The following NCKAP5 variants were observed in gnomAD, a reference collection of about 807,000 sequenced individuals.
NCKAP5 encodes the protein NCK associated protein 5, also known as nck-associated protein 5.
In NCKAP5, 92 loss-of-function variants were observed where a neutral mutation model predicts 167.0. The ratio of observed to expected loss-of-function variants is 0.55; its 90% CI spans 0.47 to 0.66. The LOEUF is 0.66. Ranked by LOEUF, NCKAP5 falls within the 30% of genes least tolerant of loss-of-function variation. The pLI is 0.00. For synonymous variants in NCKAP5, 891 were observed against 877.4 expected (o/e 1.02, Z -0.27); for missense variants, 2,378 against 2,315.0 (o/e 1.03, Z -0.56).
intron 3 of NCKAP5, among the ~76,000 whole-genome samples, chr2:133,502,838 T>A (rs56949683): frequency 0.17 from 26,228 of 152,190 alleles, 2,589 homozygotes; most frequent in East Asian, 0.42. Flanking sequence ...AATGAAAGAA[T>A]GAATGAATGA....
intron 19 of NCKAP5, among the ~76,000 whole-genome samples, chr2:132,686,694 G>A (rs1685987727): frequency 2.0e-5 from 3 of 152,230 alleles, no homozygotes; most frequent in South Asian, 2.1e-4. Flanking sequence ...CCTTGAAAGC[G>A]ATTGAATTCC....
chr2:133,095,856 A>G (rs981529608), intron 6 of NCKAP5, among the ~76,000 whole-genome samples: 1 of 152,176 alleles, frequency 6.6e-6, no homozygotes, highest in Admixed American at 6.5e-5. Flanking sequence ...TGCCATTTCT[A>G]TAAGTGAAAA....
chr2:132,882,141 C>A (rs893531254), intron 8 of NCKAP5, among the ~76,000 whole-genome samples: 1 of 152,142 alleles, frequency 6.6e-6, no homozygotes, highest in Non-Finnish European at 1.5e-5. Flanking sequence ...TAAATACTTT[C>A]TTTTTCAGCA....
Position 133,412,049 on chromosome 2 carries a change from TG to T in NCKAP5, c.69+105408del, listed in dbSNP as rs559604975. Reference sequence around the variant, plus strand: ...CTAGCTCTGCCCTGCAGCCCCCTGATGGTCACAGTAGTCACTGCTTTGGAGT... The same window carrying T: ...CTAGCTCTGCCCTGCAGCCCCCTGATGTCACAGTAGTCACTGCTTTGGAGT... On this transcript the variant is annotated intron_variant, in intron 3 of 19. Transcript: ENST00000409261. 5.1e-3 allele frequency among the ~76,000 whole-genome samples: 774 copies of T among 152,260 alleles called. 7 individuals carry two copies. Among genetic ancestry groups the T allele is most frequent in the Non-Finnish European group, 8.7e-3 (593 of 68,014 alleles).
chr2:132,720,785 G>T (rs1348021202), intron 19 of NCKAP5, among the ~76,000 whole-genome samples: 1 of 152,146 alleles, frequency 6.6e-6, no homozygotes, highest in African/African-American at 2.4e-5. Flanking sequence ...AAGGCAGGAG[G>T]ATCACCTAAG....
chr2:133,570,139 C>T (rs1227007412), upstream of NCKAP5, among the ~76,000 whole-genome samples: 1 of 151,990 alleles, frequency 6.6e-6, no homozygotes, highest in Non-Finnish European at 1.5e-5. Flanking sequence ...CAAGGTGCAG[C>T]GTAGAAGGTG....
At chr2:133,244,284 C>T (rs1049371557) in intron 4 of NCKAP5, among the ~76,000 whole-genome samples, 1 of 152,276 alleles carries the variant, frequency 6.6e-6, no homozygotes, top group Admixed American at 6.5e-5. Flanking sequence ...TAATCTATCT[C>T]TTTGTAAGAT....
intron 19 of NCKAP5, among the ~76,000 whole-genome samples, chr2:132,718,794 C>T (rs1689620676): frequency 6.6e-6 from 1 of 152,108 alleles, no homozygotes; most frequent in Admixed American, 6.5e-5. Flanking sequence ...TATTAAATAC[C>T]TAGGATATGC....
the NCKAP5 span, among the ~76,000 whole-genome samples, chr2:133,656,778 A>G: frequency 2.6e-5 from 4 of 152,006 alleles, no homozygotes; most frequent in Non-Finnish European, 4.4e-5. Flanking sequence ...CATTATTATT[A>G]TTTTTTACTT....
chr2:132,925,275 C>A (rs767677150), intron 8 of NCKAP5, among the ~76,000 whole-genome samples: 6 of 152,000 alleles, frequency 3.9e-5, no homozygotes, highest in Admixed American at 6.5e-5. Context: ...CTAATGCTGG[C>A]CAGGCACGGT....
chr2:132,966,752 C>T (rs1250339390), intron 7 of NCKAP5, among the ~76,000 whole-genome samples: 3 of 152,152 alleles, frequency 2.0e-5, no homozygotes, highest in African/African-American at 4.8e-5. Context: ...GTAACTCATC[C>T]TGAAGGAAGC....
the NCKAP5 span, among the ~76,000 whole-genome samples, chr2:133,663,560 T>C: frequency 3.3e-5 from 5 of 152,230 alleles, no homozygotes; most frequent in Admixed American, 6.5e-5. Context: ...AATATTCTAA[T>C]CCTTTGTTGT....
chr2:132,776,158 C>A lies in NCKAP5; in HGVS notation c.5050-2264G>T, dbSNP rs548979050. On this transcript the variant is annotated intron_variant, in intron 15 of 19. Transcript: ENST00000409261. ...AGTGCCCTGTCCTGTTACAGCTATC[C>A]TTTCCAGACCTTCCAAAGAACTACT... 1.5e-3 allele frequency among the ~76,000 whole-genome samples: 227 copies of A among 152,320 alleles called. 1 individual carries two copies. Among genetic ancestry groups the A allele is most frequent in the African/African-American group, 5.1e-3 (212 of 41,566 alleles).
intron 3 of NCKAP5, among the ~76,000 whole-genome samples, chr2:133,306,699 A>G (rs1036310633): frequency 6.6e-6 from 1 of 152,192 alleles, no homozygotes; most frequent in Non-Finnish European, 1.5e-5. Context: ...CTGTCCTGTG[A>G]TTCTTATTAT....
upstream of NCKAP5, among the ~76,000 whole-genome samples, chr2:133,572,567 T>C (rs1047550785): frequency 1.3e-5 from 2 of 152,180 alleles, no homozygotes; most frequent in Non-Finnish European, 2.9e-5. Flanking sequence ...GAATTCAGTA[T>C]ATTTGTTGCA....
chr2:133,176,754 T>C (rs141106557), intron 5 of NCKAP5, among the ~76,000 whole-genome samples: 2 of 152,184 alleles, frequency 1.3e-5, no homozygotes, highest in Non-Finnish European at 2.9e-5. Context: ...TGAGTGTATG[T>C]GAATGAAACA....
At chr2:132,965,100 G>A (rs2076621658) in intron 7 of NCKAP5, among the ~76,000 whole-genome samples, 1 of 152,120 alleles carries the variant, frequency 6.6e-6, no homozygotes, top group Non-Finnish European at 1.5e-5. Flanking sequence ...ATTCATCCAT[G>A]TGAACCTGTT....
At chr2:133,379,535 A>G (rs1238798937) in intron 3 of NCKAP5, among the ~76,000 whole-genome samples, 2 of 152,158 alleles carry the variant, frequency 1.3e-5, no homozygotes, top group Non-Finnish European at 2.9e-5. Flanking sequence ...TCATCTTTCT[A>G]GGGTAAGAAT....
intron 6 of NCKAP5, among the ~76,000 whole-genome samples, chr2:133,115,813 ATATAGTGTT>A (rs2082060591): frequency 1.2e-5 from 1 of 86,186 alleles, no homozygotes; most frequent in Non-Finnish European, 2.2e-5. Context: ...ATATATATAT[ATATAGTGTT>A]CACACACACA....
Sources: gnomAD v4.1 joint callset for allele counts (sites outside exome capture counted in the v4.1 genomes callset) on GRCh38, gnomAD v4.1.1 for gene constraint, MANE v1.5 for transcripts, NCBI Gene and HGNC (gene_info 2026-07-23, HGNC 2026-07-21) for gene names.